The following DAB2IP variants were observed in gnomAD, a reference collection of about 807,000 sequenced individuals.
DAB2IP encodes DAB2 interacting protein, also known as disabled homolog 2-interacting protein.
A neutral mutation model predicts 107.2 loss-of-function variants in DAB2IP; 28 were observed. The ratio of observed to expected loss-of-function variants is 0.26; its 90% CI spans 0.19 to 0.36. The LOEUF (loss-of-function observed/expected upper bound fraction) is 0.36, where lower values mean the gene tolerates loss of function less well. DAB2IP is among the 10% of genes least tolerant of loss of function. DAB2IP has a pLI of 1.00. For missense variants in DAB2IP, 1,400 were observed against 1,644.7 expected (o/e 0.85, Z 2.57); for synonymous variants, 755 against 706.4 (o/e 1.07, Z -1.09).
In DAB2IP at chr9:121,759,060, AAG is replaced by A. The variant is rs1349965888; in HGVS notation, c.615+70_615+71del. On this transcript the variant is annotated intron_variant, in intron 5 of 15. Transcript: ENST00000408936. ...AAGGTAGGCTCAGATAGGAGGAAACAAGAGAGACTATCTCTGTGGTGTGGGCT... is the reference window on the plus strand; with the variant it reads ...AAGGTAGGCTCAGATAGGAGGAAACAAGAGACTATCTCTGTGGTGTGGGCT... 1.4e-5 allele frequency: 21 copies of A among 1,493,434 alleles called. No individual in the cohort carries two copies. In the Admixed American group the frequency reaches 3.9e-4, roughly 27 times the overall value. 92.5% of individuals were successfully genotyped at this position (1,493,434 alleles called of 1,614,324 possible). A position where few individuals can be genotyped will look rare whatever the true frequency, so the allele number is the denominator to read the frequency against.
intron 1 of DAB2IP, among the ~76,000 whole-genome samples, chr9:121,596,619 C>T (rs559609421): frequency 4.6e-5 from 7 of 150,958 alleles, no homozygotes; most frequent in African/African-American, 1.7e-4. Flanking sequence ...AATTTCTAAT[C>T]ATTTATTTTT....
intron 1 of DAB2IP, among the ~76,000 whole-genome samples, chr9:121,590,598 G>A (rs545382944): frequency 5.9e-5 from 9 of 152,170 alleles, no homozygotes; most frequent in South Asian, 4.2e-4. Context: ...TTTCAGAGGC[G>A]GTCGTAAGAA....
At chr9:121,617,700 T>C (rs898445926) in intron 1 of DAB2IP, among the ~76,000 whole-genome samples, 1 of 152,248 alleles carries the variant, frequency 6.6e-6, no homozygotes, top group African/African-American at 2.4e-5. Flanking sequence ...ATTCCTATTT[T>C]ACAGATGAGG....
chr9:121,696,868 ACT>A (rs1273124579), intron 2 of DAB2IP, among the ~76,000 whole-genome samples: 1 of 151,682 alleles, frequency 6.6e-6, no homozygotes, highest in Non-Finnish European at 1.5e-5. Flanking sequence ...CAACGGGAAC[ACT>A]CTCTGTTCCC....
In DAB2IP at chr9:121,702,061, C is replaced by T. The variant is rs1259146049; in HGVS notation, c.362+2603C>T. On this transcript the variant is annotated intron_variant, in intron 3 of 15. Transcript: ENST00000408936. This position sits in a 1 kb window ranked among gnomAD's most constrained non-coding sequence, Gnocchi z 4.5. ...GGAGTCCTGGTCCCCATGGCCTTCC[C>T]GTGTAGATGAGCGGCACAGGGCACT... 1.3e-5 allele frequency among the ~76,000 whole-genome samples: 2 copies of T among 152,084 alleles called. No homozygotes were observed. Among genetic ancestry groups the T allele is most frequent in the African/African-American group, 2.4e-5 (1 of 41,402 alleles).
At chr9:121,742,918 A>T in intron 3 of DAB2IP, 1 of 985,454 alleles carries the variant, frequency 1.0e-6, no homozygotes, top group South Asian at 4.7e-5. Context: ...GGCACCTGTG[A>T]CAGGTGAGAC....
At chr9:121,743,181 G>T (rs1832472235) in intron 3 of DAB2IP, among the ~76,000 whole-genome samples, 1 of 152,216 alleles carries the variant, frequency 6.6e-6, no homozygotes, top group South Asian at 2.1e-4. Flanking sequence ...CAATGGTAAT[G>T]CCTGTCTGTG....
chr9:121,695,625 G>A (rs1316805098), intron 2 of DAB2IP, among the ~76,000 whole-genome samples: 1 of 152,150 alleles, frequency 6.6e-6, no homozygotes, highest in Non-Finnish European at 1.5e-5. Flanking sequence ...ATCTGCAGGA[G>A]AAGTGGGATA....
rs1212683853 is a variant in DAB2IP, at chr9:121,736,899, C to G, written c.363-20114C>G. ...ATGATAGGTAAAAGACAGAAACAAACAAGATGACTTCAGGGTAGTTCTGTG... is the reference window on the plus strand; with the variant it reads ...ATGATAGGTAAAAGACAGAAACAAAGAAGATGACTTCAGGGTAGTTCTGTG... On this transcript the variant is annotated intron_variant, in intron 3 of 15. Coordinates refer to ENST00000408936, the Ensembl canonical transcript of DAB2IP. The surrounding 1 kb of genome is among the most constrained non-coding windows in gnomAD (Gnocchi z 4.6). Among the ~76,000 whole-genome samples the G allele has an allele frequency of 2.6e-5, 4 of 152,208 alleles. No individual in the cohort carries two copies. The highest frequency in any genetic ancestry group is 9.6e-5 in the African/African-American group (4 of 41,454).
rs769541616 is a variant in DAB2IP at position 121,699,428 on chromosome 9, G to GCGC, written c.348_350dup (p.Ala117dup). ...CGCCACATCCTGCCGGGGTTCCGGAGCGCCGCCGCCGCCGCCGCGGACAAT... is the reference window on the plus strand; with the variant it reads ...CGCCACATCCTGCCGGGGTTCCGGAGCGCCGCCGCCGCCGCCGCCGCGGACAAT... On this transcript the variant is annotated inframe_insertion, in exon 3 of 16. Transcript: ENST00000408936. This position sits in a 1 kb window ranked among gnomAD's most constrained non-coding sequence, Gnocchi z 6.2. 6.8e-4 allele frequency: 990 copies of GCGC among 1,456,374 alleles called. 1 individual carries two copies. Among genetic ancestry groups the GCGC allele is most frequent in the Admixed American group, 1.3e-3 (62 of 47,160 alleles). 90.2% of individuals were successfully genotyped at this position (1,456,374 alleles called of 1,614,324 possible). A position where few individuals can be genotyped will look rare whatever the true frequency, so the allele number is the denominator to read the frequency against.
At chr9:121,640,360 A>AG (rs1182205592) in intron 1 of DAB2IP, among the ~76,000 whole-genome samples, 10 of 129,568 alleles carry the variant, frequency 7.7e-5, no homozygotes, top group African/African-American at 4.4e-4. Context: ...AGCCTGTGTC[A>AG]GGGGGGCGAC....
At chr9:121,728,928 T>C (rs1554731878) in intron 3 of DAB2IP, among the ~76,000 whole-genome samples, 1 of 152,210 alleles carries the variant, frequency 6.6e-6, no homozygotes, top group Non-Finnish European at 1.5e-5. Flanking sequence ...TAATTATAGG[T>C]GGCCTCATCT....
intron 8 of DAB2IP, among the ~76,000 whole-genome samples, chr9:121,765,216 C>G (rs1384581907): frequency 6.6e-6 from 1 of 152,222 alleles, no homozygotes. Flanking sequence ...CCCCCTCTTC[C>G]AGGGGGGCTG....
intron 1 of DAB2IP, among the ~76,000 whole-genome samples, chr9:121,622,810 C>G (rs1481583009): frequency 6.6e-6 from 1 of 152,210 alleles, no homozygotes; most frequent in Non-Finnish European, 1.5e-5. Flanking sequence ...GAGATTATTT[C>G]ACAGCCAGCT....
Position 121,772,958 on chromosome 9 carries a change from A to G in DAB2IP, c.2430A>G (p.Pro810=). ...GGGCAGGCCAGACACCAACCACACC[A>G]GGCACCTCCGAGGGCGCGCCAGGCC... is the stretch of plus-strand genomic sequence containing the variant. Residue 810 remains proline, a synonymous_variant, in exon 12 of 16, where the codon CCA becomes CCG. Transcript: ENST00000408936. This position sits in a 1 kb window ranked among gnomAD's most constrained non-coding sequence, Gnocchi z 4.7. 6.3e-7 allele frequency: 1 copy of G among 1,582,346 alleles called. No individual in the cohort carries two copies. Among genetic ancestry groups the G allele is most frequent in the African/African-American group, 1.3e-5 (1 of 74,614 alleles).
chr9:121,603,500 G>C (rs1589394654), intron 1 of DAB2IP, among the ~76,000 whole-genome samples: 1 of 152,230 alleles, frequency 6.6e-6, no homozygotes, highest in East Asian at 1.9e-4. Context: ...CCTAATGTGT[G>C]TATGTGGGCA....
chr9:121,649,952 C>T (rs1448959749), upstream of DAB2IP, among the ~76,000 whole-genome samples: 2 of 152,240 alleles, frequency 1.3e-5, no homozygotes, highest in African/African-American at 4.8e-5. Context: ...TGAATGCTGC[C>T]CAACACAAAT....
At chr9:121,647,158 T>A (rs1832567327), upstream of DAB2IP, among the ~76,000 whole-genome samples, 1 of 152,138 alleles carries the variant, frequency 6.6e-6, no homozygotes, top group African/African-American at 2.4e-5. Context: ...GCCCCACGCA[T>A]GAGCATCTCC....
chr9:121,593,156 T>C (rs1830450708), intron 1 of DAB2IP, among the ~76,000 whole-genome samples: 1 of 152,074 alleles, frequency 6.6e-6, no homozygotes, highest in African/African-American at 2.4e-5. Flanking sequence ...TGATCATAGC[T>C]TAGTGCAGCA....
Sources: allele counts gnomAD v4.1 joint callset (sites outside exome capture counted in the v4.1 genomes callset), GRCh38; gene constraint gnomAD v4.1.1; non-coding constraint Gnocchi (gnomAD v3.1); transcripts MANE v1.5; gene names NCBI Gene and HGNC (gene_info 2026-07-23, HGNC 2026-07-21).